The following PRKN variants were observed in gnomAD, a reference collection of about 807,000 sequenced individuals.
PRKN encodes the protein parkin RBR E3 ubiquitin protein ligase.
Under a neutral mutation model 59.5 loss-of-function variants are expected in PRKN, and 56 were observed. That is an observed-to-expected ratio of 0.94 (90% CI 0.76 to 1.18). The LOEUF (loss-of-function observed/expected upper bound fraction) is 1.18, where lower values mean the gene tolerates loss of function less well. Among genes scored for constraint, PRKN ranks in the 50% most tolerant of loss-of-function variants. The pLI, the probability that PRKN is intolerant of heterozygous loss-of-function variation, is 0.00. For missense variants in PRKN, 657 were observed against 596.4 expected (o/e 1.10, Z -1.06); for synonymous variants, 250 against 222.1 (o/e 1.13, Z -1.12).
intron 2 of PRKN, among the ~76,000 whole-genome samples, chr6:162,378,316 G>T (rs1165528136): frequency 6.6e-6 from 1 of 152,204 alleles, no homozygotes; most frequent in Non-Finnish European, 1.5e-5. Flanking sequence ...CTAAATCCCA[G>T]ATTATCAGTC....
intron 1 of PRKN, among the ~76,000 whole-genome samples, chr6:162,594,295 T>C (rs1781416932): frequency 6.6e-6 from 1 of 152,214 alleles, no homozygotes. Context: ...ATATAAATAA[T>C]TACAAAAATG....
chr6:162,051,021 G>A (rs1346220127), intron 5 of PRKN, among the ~76,000 whole-genome samples: 39 of 152,128 alleles, frequency 2.6e-4, no homozygotes, highest in Admixed American at 2.6e-3. Context: ...TGTTAGGAGT[G>A]TGAGGAACCA....
intron 9 of PRKN, among the ~76,000 whole-genome samples, chr6:161,528,188 G>T (rs1779081027): frequency 6.6e-6 from 1 of 152,138 alleles, no homozygotes; most frequent in African/African-American, 2.4e-5. Context: ...ATTGAGACAG[G>T]ATTTTATTCT....
chr6:162,602,200 G>A (rs746244011), intron 1 of PRKN, among the ~76,000 whole-genome samples: 24 of 152,340 alleles, frequency 1.6e-4, no homozygotes, highest in Middle Eastern at 3.4e-3. Flanking sequence ...ACCTCTGGGA[G>A]CACCCTGGGT....
rs1254411109 is a variant in PRKN at position 161,545,441 on chromosome 6, T to C, written c.1083+3413A>G. ...ATTTTGTTCTTCGTTGTCCATACTGTGAGAGCAAAGAGTAAAAAGAGATTC... is the reference window on the plus strand; with the variant it reads ...ATTTTGTTCTTCGTTGTCCATACTGCGAGAGCAAAGAGTAAAAAGAGATTC... On this transcript the variant is annotated intron_variant, in intron 9 of 11. Coordinates refer to ENST00000366898, the MANE Select transcript of PRKN (RefSeq NM_004562.3). This position sits in a 1 kb window ranked among gnomAD's most constrained non-coding sequence, Gnocchi z 4.1. 1.1e-5 allele frequency: 18 copies of C among 1,601,958 alleles called. No homozygotes were observed. The highest frequency in any genetic ancestry group is 2.2e-5 in the South Asian group (2 of 90,826).
intron 6 of PRKN, among the ~76,000 whole-genome samples, chr6:161,849,592 T>C (rs1049992732): frequency 6.6e-5 from 10 of 152,174 alleles, no homozygotes; most frequent in African/African-American, 2.4e-4. Flanking sequence ...TACCTGCCTT[T>C]AGGAGCCCCC....
intron 7 of PRKN, among the ~76,000 whole-genome samples, chr6:161,693,497 T>C (rs955131768): frequency 1.3e-5 from 2 of 152,168 alleles, no homozygotes; most frequent in Admixed American, 6.5e-5. Context: ...AAATTATGTG[T>C]CTCTGCTGAA....
chr6:162,339,370 C>G (rs1179810018), intron 2 of PRKN, among the ~76,000 whole-genome samples: 2 of 146,998 alleles, frequency 1.4e-5, no homozygotes, highest in Non-Finnish European at 3.0e-5. Flanking sequence ...GGCCAGCCGC[C>G]CCGTCCGGGA....
intron 5 of PRKN, among the ~76,000 whole-genome samples, chr6:161,977,093 T>C (rs1487352629): frequency 6.6e-6 from 1 of 152,222 alleles, no homozygotes; most frequent in African/African-American, 2.4e-5. Flanking sequence ...CACCAATTTT[T>C]ATGAAAGAAT....
intron 7 of PRKN, among the ~76,000 whole-genome samples, chr6:161,585,993 C>T (rs1190119691): frequency 1.3e-5 from 2 of 152,084 alleles, no homozygotes; most frequent in Admixed American, 1.3e-4. Context: ...TTTTTCCAAA[C>T]ATGCAATTCT....
chr6:162,105,931 C>A (rs1780175055), intron 4 of PRKN, among the ~76,000 whole-genome samples: 1 of 152,118 alleles, frequency 6.6e-6, no homozygotes, highest in Admixed American at 6.5e-5. Flanking sequence ...AATATCATTT[C>A]TTTCTCATGG....
intron 7 of PRKN, among the ~76,000 whole-genome samples, chr6:161,626,612 T>A (rs1382600990): frequency 6.6e-6 from 1 of 152,186 alleles, no homozygotes; most frequent in Admixed American, 6.5e-5. Flanking sequence ...TATTTACAGC[T>A]TTGCCAGCCT....
Position 161,371,135 on chromosome 6 carries a change from T to A in PRKN, c.1168-10930A>T, listed in dbSNP as rs564963273. 1.4e-3 allele frequency among the ~76,000 whole-genome samples: 206 copies of A among 152,180 alleles called. 2 individuals are homozygous for A. The highest frequency in any genetic ancestry group is 4.8e-3 in the African/African-American group (201 of 41,512). On this transcript the variant is annotated intron_variant, in intron 10 of 11. Transcript: ENST00000366898. The surrounding 1 kb of genome is among the most constrained non-coding windows in gnomAD (Gnocchi z 5.5). The stretch of plus-strand genomic sequence containing the variant: ...CTTATGACTATCTCTTTTTGGAGAA[T>A]ATGTATATATGTATATATTTAAATG...
In PRKN at chr6:162,671,988, G is replaced by A. The variant is rs985016146; in HGVS notation, c.7+55674C>T. ...GAGGTGCTGCGGGGAGGATGGGCCT[G>A]GCAGAGCAGTGGTGCCCATGAAGTA... On this transcript the variant is annotated intron_variant, in intron 1 of 11. Transcript: ENST00000366898. Among the ~76,000 whole-genome samples, 4 of 152,076 alleles carry A rather than the reference G, an allele frequency of 2.6e-5. No homozygotes were observed. The East Asian group carries it at 7.7e-4, about 29-fold the overall frequency.
At chr6:162,034,061 T>C (rs539755890) in intron 5 of PRKN, among the ~76,000 whole-genome samples, 23 of 152,016 alleles carry the variant, frequency 1.5e-4, no homozygotes, top group Middle Eastern at 6.9e-3. Context: ...GTTTGAAAGT[T>C]ATGAAAAATA....
intron 2 of PRKN, among the ~76,000 whole-genome samples, chr6:162,389,861 A>C (rs1347281900): frequency 3.3e-5 from 5 of 152,226 alleles, no homozygotes; most frequent in African/African-American, 1.2e-4. Flanking sequence ...TACTCTTTGC[A>C]CTAGGGTAAC....
intron 4 of PRKN, among the ~76,000 whole-genome samples, chr6:162,063,653 TC>T (rs1349149608): frequency 6.6e-6 from 1 of 152,040 alleles, no homozygotes; most frequent in Non-Finnish European, 1.5e-5. Flanking sequence ...CAAGTGATAC[TC>T]CTGCTTCAGC....
intron 5 of PRKN, among the ~76,000 whole-genome samples, chr6:162,044,014 T>C (rs1784162428): frequency 6.6e-6 from 1 of 152,188 alleles, no homozygotes; most frequent in Non-Finnish European, 1.5e-5. Flanking sequence ...AACATCTCAT[T>C]TGTATGTTGT....
At chr6:161,906,693 T>G (rs1356077430) in intron 6 of PRKN, among the ~76,000 whole-genome samples, 1 of 148,610 alleles carries the variant, frequency 6.7e-6, no homozygotes, top group Non-Finnish European at 1.5e-5. Flanking sequence ...TGAGTTTATT[T>G]AGTAGTATTG....
Sources: allele counts gnomAD v4.1 joint callset (sites outside exome capture counted in the v4.1 genomes callset), GRCh38; gene constraint gnomAD v4.1.1; non-coding constraint Gnocchi (gnomAD v3.1); transcripts MANE v1.5; gene names NCBI Gene and HGNC (gene_info 2026-07-23, HGNC 2026-07-21).